Variants in GNB1 observed in about 807,000 individuals in gnomAD.
The protein encoded by GNB1 is G protein subunit beta 1.
Under a neutral mutation model 42.9 loss-of-function variants are expected in GNB1, and 2 were observed. The observed-to-expected ratio is 0.05, with a 90% confidence interval of 0.02 to 0.15. The LOEUF (loss-of-function observed/expected upper bound fraction) is 0.15. GNB1 is among the 10% of genes least tolerant of loss of function. The pLI is 1.00. For synonymous variants in GNB1, 183 were observed against 174.7 expected (o/e 1.05, Z -0.38); for missense variants, 193 against 462.2 (o/e 0.42, Z 5.34).
chr1:1,824,010 T>C (rs962864723), intron 3 of GNB1, among the ~76,000 whole-genome samples: 4 of 152,242 alleles, frequency 2.6e-5, no homozygotes, highest in African/African-American at 9.6e-5. Flanking sequence ...CGCACCACCA[T>C]ACCCAGCTTA....
intron 5 of GNB1, among the ~76,000 whole-genome samples, chr1:1,815,125 A>G (rs968117877): frequency 2.6e-5 from 4 of 151,970 alleles, no homozygotes; most frequent in Admixed American, 1.3e-4. Flanking sequence ...AAAAAAAAAA[A>G]AAAAGAGAAA....
At chr1:1,829,469 G>A (rs1313242003) in intron 2 of GNB1, among the ~76,000 whole-genome samples, 1 of 152,222 alleles carries the variant, frequency 6.6e-6, no homozygotes, top group African/African-American at 2.4e-5. Flanking sequence ...AGGAGTTCAG[G>A]CACAGCAGTG....
intron 1 of GNB1, among the ~76,000 whole-genome samples, chr1:1,870,515 T>C (rs537807578): frequency 6.6e-6 from 1 of 152,298 alleles, no homozygotes; most frequent in East Asian, 1.9e-4. Flanking sequence ...TCCCTCCCTA[T>C]CAAACTCAGC....
intron 2 of GNB1, among the ~76,000 whole-genome samples, chr1:1,826,620 G>GT (rs1557907292): frequency 6.6e-6 from 1 of 152,102 alleles, no homozygotes; most frequent in African/African-American, 2.4e-5. Context: ...GTGTCCAGCA[G>GT]TTTTTTGGCT....
chr1:1,827,754 G>A (rs1023367354), intron 2 of GNB1, among the ~76,000 whole-genome samples: 2 of 152,152 alleles, frequency 1.3e-5, no homozygotes, highest in African/African-American at 4.8e-5. Context: ...ACACAATTTT[G>A]CAGAGTTGGG....
At chr1:1,886,215 G>A (rs1033311887) in intron 1 of GNB1, among the ~76,000 whole-genome samples, 2 of 152,138 alleles carry the variant, frequency 1.3e-5, no homozygotes, top group African/African-American at 4.8e-5. Context: ...CTACTCGGGA[G>A]GCTGAGACTG....
intron 1 of GNB1, among the ~76,000 whole-genome samples, chr1:1,850,297 A>AT (rs967720887): frequency 6.6e-5 from 10 of 151,574 alleles, no homozygotes; most frequent in African/African-American, 2.2e-4. Context: ...CACCCTGCTA[A>AT]TTTTTTTTAT....
In GNB1 at chr1:1,787,446, A is replaced by G. The variant is rs1159239614; in HGVS notation, c.917-9T>C. 1.3e-6 allele frequency: 2 copies of G among 1,554,916 alleles called. No homozygotes were observed. The highest frequency in any genetic ancestry group is 1.7e-5 in the Admixed American group (1 of 59,780). On this transcript the variant is annotated splice_polypyrimidine_tract_variant and intron_variant, in intron 10 of 11. Coordinates refer to ENST00000378609, the MANE Select transcript of GNB1 (RefSeq NM_002074.5). This position sits in a 1 kb window ranked among gnomAD's most constrained non-coding sequence, Gnocchi z 4.4. ...ATGCCCAGCCAAGACACCTGGGAGCAAACAACAGCAGAATCACACCAAAGC... is the reference window on the plus strand; with the variant it reads ...ATGCCCAGCCAAGACACCTGGGAGCGAACAACAGCAGAATCACACCAAAGC...
intron 1 of GNB1, among the ~76,000 whole-genome samples, chr1:1,872,474 G>A (rs1027032871): frequency 1.3e-5 from 2 of 152,300 alleles, no homozygotes; most frequent in East Asian, 1.9e-4. Flanking sequence ...GCCTGAGGCC[G>A]TGTGGCCAAG....
intron 1 of GNB1, among the ~76,000 whole-genome samples, chr1:1,882,318 T>C (rs1298923205): frequency 6.6e-6 from 1 of 150,764 alleles, no homozygotes; most frequent in Admixed American, 6.7e-5. Context: ...ATCCCAACTA[T>C]TTGGGAGGCT....
At chr1:1,796,636 C>CGG (rs1393919581) in intron 7 of GNB1, among the ~76,000 whole-genome samples, 1 of 152,162 alleles carries the variant, frequency 6.6e-6, no homozygotes, top group African/African-American at 2.4e-5. Context: ...TCCCCTGGTG[C>CGG]GGGGGCCTGT....
intron 1 of GNB1, among the ~76,000 whole-genome samples, chr1:1,855,606 C>A (rs992035675): frequency 1.3e-5 from 2 of 149,998 alleles, no homozygotes; most frequent in East Asian, 4.1e-4. Flanking sequence ...GAGGCTGAGG[C>A]GGGAGAATGG....
At chr1:1,835,123 A>G (rs1647127942) in intron 2 of GNB1, among the ~76,000 whole-genome samples, 2 of 152,178 alleles carry the variant, frequency 1.3e-5, no homozygotes, top group Admixed American at 1.3e-4. Flanking sequence ...CCAACAGCAA[A>G]TGGGCGGTGG....
intron 3 of GNB1, among the ~76,000 whole-genome samples, chr1:1,822,630 T>C (rs1646946510): frequency 6.6e-6 from 1 of 152,150 alleles, no homozygotes; most frequent in Non-Finnish European, 1.5e-5. Flanking sequence ...TTACATTTTT[T>C]ATGTGGCAAC....
At chr1:1,889,946 T>C (rs1650382647) in intron 1 of GNB1, among the ~76,000 whole-genome samples, 1 of 151,982 alleles carries the variant, frequency 6.6e-6, no homozygotes, top group Non-Finnish European at 1.5e-5. Flanking sequence ...TTGTGCTATT[T>C]CCTGTCCTCT....
intron 2 of GNB1, among the ~76,000 whole-genome samples, chr1:1,828,118 T>C (rs1470584278): frequency 1.3e-5 from 2 of 152,084 alleles, no homozygotes; most frequent in African/African-American, 4.8e-5. Flanking sequence ...GTCAGGAGTT[T>C]GAGACCAGCG....
chr1:1,872,208 G>A (rs1441848456), intron 1 of GNB1, among the ~76,000 whole-genome samples: 3 of 151,892 alleles, frequency 2.0e-5, no homozygotes, highest in Non-Finnish European at 4.4e-5. Context: ...GAACTCCTGG[G>A]CTCAAGCAAT....
At chr1:1,835,736 G>A (rs1277565774) in intron 2 of GNB1, among the ~76,000 whole-genome samples, 10 of 151,998 alleles carry the variant, frequency 6.6e-5, no homozygotes, top group Admixed American at 6.6e-4. Context: ...ATTCCTAGCG[G>A]TGGAATGGCT....
chr1:1,872,407 G>A (rs139220380), intron 1 of GNB1, among the ~76,000 whole-genome samples: 1 of 152,316 alleles, frequency 6.6e-6, no homozygotes, highest in African/African-American at 2.4e-5. Context: ...ATCTGCACGA[G>A]GACCCTCACC....
Sources: gnomAD v4.1 joint callset for allele counts (sites outside exome capture counted in the v4.1 genomes callset) on GRCh38, gnomAD v4.1.1 for gene constraint, Gnocchi (gnomAD v3.1) non-coding constraint, MANE v1.5 for transcripts, NCBI Gene and HGNC (gene_info 2026-07-23, HGNC 2026-07-21) for gene names.